Variants in CFAP54 observed in about 807,000 individuals in gnomAD.
CFAP54 encodes the protein cilia and flagella associated protein 54, also known as cilia- and flagella-associated protein 54.
In CFAP54, 290 loss-of-function variants were observed where a neutral mutation model predicts 370.4. That is an observed-to-expected ratio of 0.78 (90% CI 0.71 to 0.86). CFAP54 has a LOEUF of 0.86. Ranked by LOEUF, CFAP54 falls within the 40% of genes least tolerant of loss-of-function variation. The pLI is 0.00. For synonymous variants in CFAP54, 1,206 were observed against 1,236.5 expected, an observed-to-expected ratio of 0.98 and a Z score of 0.52; for missense variants, 3,399 against 3,528.7, an observed-to-expected ratio of 0.96 and a Z score of 0.93.
intron 22 of CFAP54, among the ~76,000 whole-genome samples, chr12:96,583,815 C>T (rs17041242): frequency 0.28 from 43,078 of 151,992 alleles, 7,101 homozygotes; most frequent in African/African-American, 0.45. Flanking sequence ...TGCCAAGTCT[C>T]CTAGAGCCTG....
intron 27 of CFAP54, 105 bp downstream of exon 27, chr12:96,621,826 G>C (rs1002187202): frequency 9.1e-5 from 44 of 485,210 alleles, no homozygotes; most frequent in Non-Finnish European, 1.1e-4. Flanking sequence ...TTTTACATTT[G>C]TTATATTTAC....
chr12:96,708,331 T>G (rs995662500), intron 47 of CFAP54, among the ~76,000 whole-genome samples: 1 of 152,172 alleles, frequency 6.6e-6, no homozygotes, highest in African/African-American at 2.4e-5. Context: ...AATCCCATCC[T>G]TCACTCTGAG....
At chr12:96,684,948 G>A in intron 41 of CFAP54, 81 bp from the exon 42 acceptor site, 3 of 1,356,560 alleles carry the variant, frequency 2.2e-6, no homozygotes, top group East Asian at 4.7e-5. Context: ...TTGCTTCGGT[G>A]TATTTGCTTT....
At chr12:96,490,433 C>T (rs538979293) in intron 1 of CFAP54, among the ~76,000 whole-genome samples, 91 of 152,286 alleles carry the variant, frequency 6.0e-4, no homozygotes, top group African/African-American at 2.0e-3. Flanking sequence ...CCTGAGCTAC[C>T]TCGAAGTTAT....
intron 41 of CFAP54, 128 bp from the exon 42 acceptor site, chr12:96,684,901 A>G (rs771954138): frequency 2.4e-5 from 23 of 977,808 alleles, no homozygotes; most frequent in South Asian, 1.8e-4. Flanking sequence ...CATTAAGAAC[A>G]GTGAATGTAT....
At chr12:96,859,845 C>A (rs1959823367) in intron 66 of CFAP54, among the ~76,000 whole-genome samples, 2 of 152,008 alleles carry the variant, frequency 1.3e-5, no homozygotes, top group African/African-American at 4.8e-5. Flanking sequence ...AAGAAAAAAA[C>A]CATCTGGAAG....
At chr12:96,850,469 A>C (rs1427675818) in intron 66 of CFAP54, among the ~76,000 whole-genome samples, 1 of 152,012 alleles carries the variant, frequency 6.6e-6, no homozygotes, top group Non-Finnish European at 1.5e-5. Context: ...ACATCGCGGG[A>C]GGGAACTCAG....
intron 4 of CFAP54, among the ~76,000 whole-genome samples, chr12:96,509,651 A>C (rs183412107): frequency 6.6e-6 from 1 of 151,998 alleles, no homozygotes; most frequent in East Asian, 1.9e-4. Context: ...CTGGGTCTCT[A>C]CTAAAAGTAC....
At chr12:96,692,522 T>C (rs567264609) in intron 44 of CFAP54, among the ~76,000 whole-genome samples, 5 of 152,332 alleles carry the variant, frequency 3.3e-5, no homozygotes, top group Admixed American at 3.3e-4. Context: ...ATCTCAAAGG[T>C]AATCGCCAAC....
rs540278392 is a variant in CFAP54 at position 96,663,612 on chromosome 12, C to A, written c.5461-218C>A. 5.9e-5 allele frequency among the ~76,000 whole-genome samples: 9 copies of A among 152,276 alleles called. 1 individual carries two copies. The South Asian group carries it at 1.9e-3, about 32-fold the overall frequency. ...TGCTCTACATAATTTGCCTAACGTT[C>A]TTCCAGCTGTGCTGTACAAAAGAAA... On this transcript the variant is annotated intron_variant, in intron 38 of 67. Coordinates refer to ENST00000524981, the MANE Select transcript of CFAP54 (RefSeq NM_001306084.2).
At chr12:96,610,540 G>T (rs1158378908) in intron 26 of CFAP54, among the ~76,000 whole-genome samples, 1 of 152,198 alleles carries the variant, frequency 6.6e-6, no homozygotes, top group Non-Finnish European at 1.5e-5. Flanking sequence ...ACTGGGGCTT[G>T]TCGGACAGTG....
chr12:96,871,454 G>A (rs1276550116), intron 67 of CFAP54, among the ~76,000 whole-genome samples: 1 of 152,166 alleles, frequency 6.6e-6, no homozygotes, highest in Admixed American at 6.5e-5. Flanking sequence ...TAATTTAACT[G>A]TATGCTAGAA....
chr12:96,709,140 A>G (rs1045154246), intron 48 of CFAP54, among the ~76,000 whole-genome samples: 2 of 152,368 alleles, frequency 1.3e-5, no homozygotes, highest in African/African-American at 4.8e-5. Flanking sequence ...AATCACTCCA[A>G]GTCTACTGCT....
intron 66 of CFAP54, among the ~76,000 whole-genome samples, chr12:96,834,440 A>G (rs1959179756): frequency 6.6e-6 from 1 of 152,218 alleles, no homozygotes. Flanking sequence ...TCAGGTGTGG[A>G]GCAGCAAGGA....
At chr12:96,655,048 A>T (rs77624682) in intron 36 of CFAP54, among the ~76,000 whole-genome samples, 1 of 151,986 alleles carries the variant, frequency 6.6e-6, no homozygotes, top group Non-Finnish European at 1.5e-5. Context: ...ATTTTTTTTT[A>T]AAAGAACAAA....
At chr12:96,650,517 C>G (rs541902667) in intron 35 of CFAP54, among the ~76,000 whole-genome samples, 122 of 152,208 alleles carry the variant, frequency 8.0e-4, no homozygotes, top group African/African-American at 2.7e-3. Flanking sequence ...CTGCCCTTGC[C>G]CCCGGTCTCC....
intron 8 of CFAP54, 126 bp downstream of exon 8, chr12:96,522,315 A>G: frequency 1.7e-6 from 1 of 583,674 alleles, no homozygotes; most frequent in Non-Finnish European, 2.8e-6. Flanking sequence ...CCTAATGGGT[A>G]AATAGAGAGA....
At chr12:96,497,916 C>T (rs1954975592) in intron 1 of CFAP54, among the ~76,000 whole-genome samples, 1 of 152,178 alleles carries the variant, frequency 6.6e-6, no homozygotes, top group East Asian at 1.9e-4. Context: ...TGAGGTTGCC[C>T]AACTCTGTAA....
At chr12:96,519,100 G>A (rs1271606389) in intron 6 of CFAP54, 29 bp downstream of exon 6, 10 of 1,488,196 alleles carry the variant, frequency 6.7e-6, no homozygotes, top group Admixed American at 4.7e-5. Flanking sequence ...CTGAGGAGTC[G>A]AGTTTTTTTT....
Sources: allele counts gnomAD v4.1 joint callset (sites outside exome capture counted in the v4.1 genomes callset), GRCh38; gene constraint gnomAD v4.1.1; transcripts MANE v1.5; gene names NCBI Gene and HGNC (gene_info 2026-07-23, HGNC 2026-07-21).